Variants in EPHA4 observed in about 807,000 individuals in gnomAD.
EPHA4 encodes the protein EPH receptor A4, also known as ephrin type-A receptor 4.
Under a neutral mutation model 108.3 loss-of-function variants are expected in EPHA4, and 19 were observed. The observed-to-expected ratio is 0.18, with a 90% CI of 0.12 to 0.26. EPHA4 has a LOEUF of 0.26. Ranked by LOEUF, EPHA4 falls within the 10% of genes least tolerant of loss-of-function variation. EPHA4 has a pLI of 1.00. For missense variants in EPHA4, 917 were observed against 1,254.0 expected, an observed-to-expected ratio of 0.73 and a Z score of 4.06; for synonymous variants, 449 against 455.5, an observed-to-expected ratio of 0.99 and a Z score of 0.18.
At chr2:221,492,808 T>C (rs1255426458) in intron 4 of EPHA4, among the ~76,000 whole-genome samples, 1 of 152,236 alleles carries the variant, frequency 6.6e-6, no homozygotes, top group Non-Finnish European at 1.5e-5. Context: ...CCATATGTTC[T>C]GAACTAAAAA....
chr2:221,492,664 A>G (rs1017251118), intron 4 of EPHA4, among the ~76,000 whole-genome samples: 5 of 152,238 alleles, frequency 3.3e-5, no homozygotes, highest in African/African-American at 1.2e-4. Flanking sequence ...TTGAACTACT[A>G]AGCTCTAACT....
At chr2:221,565,003 G>A (rs1422764083) in intron 2 of EPHA4, among the ~76,000 whole-genome samples, 2 of 151,778 alleles carry the variant, frequency 1.3e-5, no homozygotes, top group Non-Finnish European at 2.9e-5. Flanking sequence ...AAGACAGGGA[G>A]TAAATTTTAT....
chr2:221,565,046 A>G (rs995487629), intron 2 of EPHA4, among the ~76,000 whole-genome samples: 24 of 152,176 alleles, frequency 1.6e-4, no homozygotes, highest in African/African-American at 5.6e-4. Flanking sequence ...ATCATTTATA[A>G]CAGTAGACAA....
intron 3 of EPHA4, among the ~76,000 whole-genome samples, chr2:221,503,424 A>T (rs1466502313): frequency 2.0e-5 from 3 of 152,224 alleles, no homozygotes; most frequent in Non-Finnish European, 4.4e-5. Flanking sequence ...AATTAAACTC[A>T]TCTTTTGCAA....
chr2:221,563,145 T>TG (rs1694518236), intron 3 of EPHA4, among the ~76,000 whole-genome samples: 1 of 152,088 alleles, frequency 6.6e-6, no homozygotes, highest in African/African-American at 2.4e-5. Flanking sequence ...AACCCATCGG[T>TG]GGGTGTTCAG....
At chr2:221,569,201 G>T (rs542809822) in intron 1 of EPHA4, among the ~76,000 whole-genome samples, 29 of 152,288 alleles carry the variant, frequency 1.9e-4, no homozygotes, top group African/African-American at 6.5e-4. Context: ...ACTCATCAGG[G>T]TGACAGAGCC....
Position 221,455,954 on chromosome 2 carries a change from T to G in EPHA4, c.1604-296A>C, listed in dbSNP as rs1452875208. The stretch of plus-strand genomic sequence containing the variant: ...TCTCTTCTGCTTTTCCTTTTATTCT[T>G]ATTTAATAATTTGTGAACAAAATTT... On this transcript the variant is annotated intron_variant, in intron 7 of 17. Transcript: ENST00000281821. Among the ~76,000 whole-genome samples the G allele has an allele frequency of 3.3e-5, 5 of 152,344 alleles. No individual in the cohort carries two copies. In the East Asian group the frequency reaches 9.6e-4, roughly 29 times the overall value.
chr2:221,499,736 ATATATATATATATATATATATTTTT>A (rs1478094327), intron 4 of EPHA4, among the ~76,000 whole-genome samples: 2 of 49,536 alleles, frequency 4.0e-5, no homozygotes, highest in African/African-American at 2.3e-4. Flanking sequence ...ATATATATAT[ATATATATATATATATATATATTTTT>A]TTTTTTTTTT....
intron 14 of EPHA4, among the ~76,000 whole-genome samples, chr2:221,432,324 G>T (rs1358286776): frequency 2.0e-5 from 3 of 152,218 alleles, no homozygotes; most frequent in East Asian, 1.9e-4. Context: ...TTTACTATTT[G>T]CTCATTTAGG....
intron 15 of EPHA4, among the ~76,000 whole-genome samples, chr2:221,429,327 C>T (rs192793164): frequency 3.3e-4 from 50 of 152,248 alleles, no homozygotes; most frequent in Non-Finnish European, 6.8e-4. Flanking sequence ...CTTCATTTTG[C>T]TCATTCCAAG....
At chr2:221,544,364 C>T (rs1693923364) in intron 3 of EPHA4, among the ~76,000 whole-genome samples, 1 of 152,080 alleles carries the variant, frequency 6.6e-6, no homozygotes, top group South Asian at 2.1e-4. Context: ...CTCACTCTAT[C>T]ACCCAGGCTG....
chr2:221,481,677 G>C (rs1205022543), intron 5 of EPHA4, among the ~76,000 whole-genome samples: 2 of 151,968 alleles, frequency 1.3e-5, no homozygotes, highest in Non-Finnish European at 2.9e-5. Context: ...GAAAAAAGTA[G>C]CTGCAAAACT....
intron 8 of EPHA4, among the ~76,000 whole-genome samples, chr2:221,450,309 G>A (rs2106112444): frequency 6.6e-6 from 1 of 152,326 alleles, no homozygotes; most frequent in Non-Finnish European, 1.5e-5. Flanking sequence ...TCAGCATTGT[G>A]TGAACTCTTA....
At position 221,506,562 on chromosome 2, in the gene EPHA4, T is replaced by C. The variant is rs907676742; in HGVS notation, c.824-5390A>G. ...GATCTCTGCTTTCTCTTTTCAAACA[T>C]GCAGGGTGAAGATGGACAATTGGAA... On this transcript the variant is annotated intron_variant, in intron 3 of 17. Coordinates refer to ENST00000281821, the MANE Select transcript of EPHA4 (RefSeq NM_004438.5). Among the ~76,000 whole-genome samples, 7 of 152,356 alleles carry C rather than the reference T, an allele frequency of 4.6e-5. No individual in the cohort carries two copies. In the East Asian group the frequency reaches 5.8e-4, roughly 13 times the overall value.
At chr2:221,535,497 A>C (rs879527709) in intron 3 of EPHA4, among the ~76,000 whole-genome samples, 1 of 152,182 alleles carries the variant, frequency 6.6e-6, no homozygotes, top group African/African-American at 2.4e-5. Flanking sequence ...CTAAATAAAC[A>C]TTATCGTCTT....
chr2:221,439,127 T>C (rs191007831), intron 11 of EPHA4, among the ~76,000 whole-genome samples: 10 of 152,210 alleles, frequency 6.6e-5, no homozygotes, highest in African/African-American at 2.2e-4. Flanking sequence ...AATGGTACCA[T>C]GGACATTTTA....
intron 3 of EPHA4, among the ~76,000 whole-genome samples, chr2:221,556,971 A>C (rs948552791): frequency 2.0e-5 from 3 of 152,220 alleles, no homozygotes; most frequent in Non-Finnish European, 4.4e-5. Context: ...TATCGTCCAA[A>C]GTTAAAGGGG....
At chr2:221,469,193 A>G (rs1368712742) in intron 5 of EPHA4, among the ~76,000 whole-genome samples, 1 of 152,202 alleles carries the variant, frequency 6.6e-6, no homozygotes, top group African/African-American at 2.4e-5. Flanking sequence ...TGTTGATAAA[A>G]GGTACTCAGT....
chr2:221,465,342 G>A lies in EPHA4; in HGVS notation c.1319-7352C>T, dbSNP rs189457830. The stretch of plus-strand genomic sequence containing the variant: ...ATTTCCCAGATAGATGGGAGGGCAC[G>A]TCATTTTCTTTATGCCAGAGAGATG... On this transcript the variant is annotated intron_variant, in intron 5 of 17. Transcript: ENST00000281821. Among the ~76,000 whole-genome samples, 268 of 152,244 alleles carry A rather than the reference G, an allele frequency of 1.8e-3. 2 individuals are homozygous for A. The highest frequency in any genetic ancestry group is 3.1e-3 in the Non-Finnish European group (209 of 68,008).
Sources: allele counts gnomAD v4.1 joint callset (sites outside exome capture counted in the v4.1 genomes callset), GRCh38; gene constraint gnomAD v4.1.1; transcripts MANE v1.5; gene names NCBI Gene and HGNC (gene_info 2026-07-23, HGNC 2026-07-21).